Variants in SMCHD1 observed in about 807,000 individuals in gnomAD.
SMCHD1 encodes the protein structural maintenance of chromosomes flexible hinge domain containing 1, also known as structural maintenance of chromosomes flexible hinge domain-containing protein 1.
SMCHD1 carries 78 observed loss-of-function variants against 254.7 expected under a neutral mutation model. That is an observed-to-expected ratio of 0.31 (90% CI 0.26 to 0.37). The LOEUF (loss-of-function observed/expected upper bound fraction) is 0.37. Among genes scored for constraint, SMCHD1 ranks in the 10% least tolerant of loss-of-function variants. SMCHD1 has a pLI of 1.00. For synonymous variants in SMCHD1, 766 were observed against 794.9 expected (o/e 0.96, Z 0.61); for missense variants, 1,840 against 2,408.1 (o/e 0.76, Z 4.94).
At chr18:2,706,296 G>A (rs1379543689) in intron 14 of SMCHD1, 68 bp from the exon 15 acceptor site, 1 of 1,020,464 alleles carries the variant, frequency 9.8e-7, no homozygotes, top group African/African-American at 1.6e-5. Flanking sequence ...AAACAAATGG[G>A]TGTTTGTTTT....
chr18:2,656,588 G>T (rs891405830), intron 1 of SMCHD1, among the ~76,000 whole-genome samples: 2 of 152,268 alleles, frequency 1.3e-5, no homozygotes, highest in Admixed American at 1.3e-4. Flanking sequence ...CGGCCCTGCA[G>T]TCTAGGGAAA....
chr18:2,792,809 A>T (rs1568401225), intron 45 of SMCHD1, among the ~76,000 whole-genome samples: 1 of 152,122 alleles, frequency 6.6e-6, no homozygotes, highest in Non-Finnish European at 1.5e-5. Flanking sequence ...TTAGTTAAGC[A>T]CTCTGGCTTT....
chr18:2,746,683 T>G (rs1393794577), intron 29 of SMCHD1, among the ~76,000 whole-genome samples: 1 of 151,966 alleles, frequency 6.6e-6, no homozygotes, highest in Non-Finnish European at 1.5e-5. Context: ...CAGTTAAGAG[T>G]AGGGGGTAGA....
At chr18:2,743,198 A>G (rs2075384245) in intron 28 of SMCHD1, among the ~76,000 whole-genome samples, 1 of 152,232 alleles carries the variant, frequency 6.6e-6, no homozygotes, top group Admixed American at 6.5e-5. Context: ...TGTGTTACGC[A>G]TTATTCTAAG....
intron 34 of SMCHD1, 73 bp from the exon 35 acceptor site, chr18:2,760,579 A>G: frequency 1.2e-6 from 1 of 838,956 alleles, no homozygotes; most frequent in Admixed American, 2.0e-5. Context: ...AAAGAACAGA[A>G]ATGTTGACTC....
chr18:2,663,629 A>C (rs951908392), intron 1 of SMCHD1, among the ~76,000 whole-genome samples: 5 of 151,998 alleles, frequency 3.3e-5, no homozygotes, highest in African/African-American at 7.3e-5. Flanking sequence ...CCAATTTGTA[A>C]TGTCACCTCT....
chr18:2,708,781 A>G (rs1273034418), intron 17 of SMCHD1, among the ~76,000 whole-genome samples: 2 of 145,762 alleles, frequency 1.4e-5, no homozygotes, highest in African/African-American at 2.5e-5. Context: ...ACTCCCAGCT[A>G]ATTTTTGTAT....
chr18:2,721,032 T>C (rs1483374375), intron 19 of SMCHD1, among the ~76,000 whole-genome samples: 2 of 152,206 alleles, frequency 1.3e-5, no homozygotes, highest in East Asian at 1.9e-4. Context: ...AGCACATGCA[T>C]TGAAGGATGG....
At chr18:2,759,635 T>C (rs1009094495) in intron 34 of SMCHD1, among the ~76,000 whole-genome samples, 1 of 141,062 alleles carries the variant, frequency 7.1e-6, no homozygotes, top group Non-Finnish European at 1.5e-5. Context: ...AGTGGAGTGA[T>C]CTTGGCTCAC....
chr18:2,672,120 T>C, intron 3 of SMCHD1, among the ~76,000 whole-genome samples: 1 of 152,226 alleles, frequency 6.6e-6, no homozygotes, highest in African/African-American at 2.4e-5. Context: ...AGATTACCCT[T>C]GTACATAATC....
intron 17 of SMCHD1, among the ~76,000 whole-genome samples, chr18:2,709,662 A>T (rs1598349123): frequency 6.6e-6 from 1 of 152,134 alleles, no homozygotes; most frequent in South Asian, 2.1e-4. Context: ...TTTCCCCAAT[A>T]TTCAGTGATT....
chr18:2,746,505 T>C (rs1401726415), intron 29 of SMCHD1, among the ~76,000 whole-genome samples: 2 of 152,218 alleles, frequency 1.3e-5, no homozygotes, highest in East Asian at 1.9e-4. Flanking sequence ...TTATAAACTT[T>C]GGCAGAGGGA....
chr18:2,663,607 A>T (rs2073355117), intron 1 of SMCHD1, among the ~76,000 whole-genome samples: 1 of 151,930 alleles, frequency 6.6e-6, no homozygotes. Flanking sequence ...TGGATAGTTT[A>T]TTCTTTCCCC....
chr18:2,721,023 G>A (rs573472336), intron 19 of SMCHD1, among the ~76,000 whole-genome samples: 31 of 152,296 alleles, frequency 2.0e-4, no homozygotes, highest in African/African-American at 6.7e-4. Flanking sequence ...TCGTTGACTA[G>A]CACATGCATT....
chr18:2,674,846 T>C (rs2073704400), intron 5 of SMCHD1, among the ~76,000 whole-genome samples: 1 of 152,218 alleles, frequency 6.6e-6, no homozygotes, highest in Non-Finnish European at 1.5e-5. Flanking sequence ...CTTTACCTTG[T>C]CAAGAAAAGT....
chr18:2,736,305 C>T (rs2075248299), intron 25 of SMCHD1, among the ~76,000 whole-genome samples: 2 of 152,106 alleles, frequency 1.3e-5, no homozygotes, highest in Admixed American at 6.6e-5. Context: ...CATAAAAATT[C>T]TAGAAGAAAA....
intron 35 of SMCHD1, among the ~76,000 whole-genome samples, chr18:2,760,978 C>T (rs1329592098): frequency 2.0e-5 from 3 of 152,046 alleles, no homozygotes; most frequent in Non-Finnish European, 4.4e-5. Flanking sequence ...AGTCACATTT[C>T]CATTTCTCTT....
chr18:2,797,491 G>C (rs56170448), intron 47 of SMCHD1, among the ~76,000 whole-genome samples: 1 of 152,144 alleles, frequency 6.6e-6, no homozygotes, highest in African/African-American at 2.4e-5. Context: ...ATTCATCTGC[G>C]TATTCTACAT....
At chr18:2,709,053 C>G (rs1375515408) in intron 17 of SMCHD1, among the ~76,000 whole-genome samples, 1 of 148,816 alleles carries the variant, frequency 6.7e-6, no homozygotes, top group Non-Finnish European at 1.5e-5. Flanking sequence ...TTCTCCCTGC[C>G]CTGGTAACTA....
Sources: gnomAD v4.1 joint callset for allele counts (sites outside exome capture counted in the v4.1 genomes callset) on GRCh38, gnomAD v4.1.1 for gene constraint, MANE v1.5 for transcripts, NCBI Gene and HGNC (gene_info 2026-07-23, HGNC 2026-07-21) for gene names.